The following DPP8 variants were observed in gnomAD, a reference collection of about 807,000 sequenced individuals.
DPP8 encodes DPP VIII.
Under a neutral mutation model 107.5 loss-of-function variants are expected in DPP8, and 31 were observed. The ratio of observed to expected loss-of-function variants is 0.29; its 90% CI spans 0.22 to 0.39. DPP8 has a LOEUF of 0.39. DPP8 is among the 10% of genes least tolerant of loss of function. DPP8 has a pLI of 1.00. For synonymous variants in DPP8, 381 were observed against 356.6 expected, an observed-to-expected ratio of 1.07 and a Z score of -0.77; for missense variants, 842 against 1,076.1, an observed-to-expected ratio of 0.78 and a Z score of 3.04.
In DPP8 at chr15:65,442,491, C is replaced by A. The variant is rs192029080; in HGVS notation, c.*4393G>T. 1 of 152,196 alleles carries A rather than the reference C, an allele frequency of 6.6e-6. No homozygotes were observed. The highest frequency in any genetic ancestry group is 2.4e-5 in the African/African-American group (1 of 41,530). 9.4% of individuals were successfully genotyped at this position (152,196 alleles called of 1,614,324 possible). A position where few individuals can be genotyped will look rare whatever the true frequency, so the allele number is the denominator to read the frequency against. ...ATTAATTTCAGCAGCATCTTTATTG[C>A]AACAAAGAACCTGTAATAAAATGCA... On this transcript the variant is annotated 3_prime_UTR_variant, in exon 20 of 20. Transcript: ENST00000300141.
chr15:65,479,995 G>C (rs1025142861), intron 10 of DPP8, among the ~76,000 whole-genome samples: 6 of 151,840 alleles, frequency 4.0e-5, no homozygotes, highest in African/African-American at 7.3e-5. Flanking sequence ...ATTATCTCCA[G>C]GAACAAATCT....
intron 1 of DPP8, chr15:65,516,550 T>G (rs2071461120): frequency 6.6e-6 from 1 of 152,176 alleles, no homozygotes; most frequent in Non-Finnish European, 1.5e-5. Context: ...AAGTGGCAAG[T>G]GCAGGAAAAA....
intron 11 of DPP8, among the ~76,000 whole-genome samples, chr15:65,478,164 T>C (rs1432608517): frequency 1.3e-5 from 2 of 152,200 alleles, no homozygotes; most frequent in Non-Finnish European, 2.9e-5. Context: ...CAAAGACCTA[T>C]AACTATAAAT....
Position 65,512,320 on chromosome 15 carries a change from A to G in DPP8, c.234T>C (p.Pro78=), listed in dbSNP as rs1379280038. 1 of 1,613,208 alleles carries G rather than the reference A, an allele frequency of 6.2e-7. No individual in the cohort carries two copies. Among genetic ancestry groups the G allele is most frequent in the Admixed American group, 1.7e-5 (1 of 59,988 alleles). The change falls in exon 2 of 20, where the codon CCT becomes CCC. Residue 78 remains proline (P), a synonymous_variant. Coordinates refer to ENST00000300141, the MANE Select transcript of DPP8 (RefSeq NM_130434.5). The part of the protein sequence containing the change: ...MFVKRNDPDG[P]HSDRIYYLAM... ...CAAGGTAATAGATTCTGTCTGAATG[A>G]GGTCCATCTGGATCATTCCTCTTCA...
At chr15:65,470,605 C>CAAAAAAAAAAAAAAAAAAAGAAAAAAA (rs3082806) in intron 12 of DPP8, among the ~76,000 whole-genome samples, 1 of 104,896 alleles carries the variant, frequency 9.5e-6, no homozygotes, top group African/African-American at 3.4e-5. Context: ...AGACTTGTCT[C>CAAAAAAAAAAAAAAAAAAAGAAAAAAA]AAAAAAAAAA....
chr15:65,493,760 T>G (rs1333592229), intron 5 of DPP8, among the ~76,000 whole-genome samples: 1 of 152,162 alleles, frequency 6.6e-6, no homozygotes, highest in African/African-American at 2.4e-5. Context: ...AGTAAGTCAT[T>G]TGAGAGCAGA....
rs375291140 is a variant in DPP8 at position 65,507,240 on chromosome 15, T to C, written c.372+3A>G. On this transcript the variant is annotated splice_donor_region_variant and intron_variant, in intron 3 of 19. Coordinates refer to ENST00000300141, the MANE Select transcript of DPP8 (RefSeq NM_130434.5). ...TCATAGGAATAACAACATTTAATCCTACCTGAAAAAGATCCAAAAGAGGCT... is the reference window on the plus strand; with the variant it reads ...TCATAGGAATAACAACATTTAATCCCACCTGAAAAAGATCCAAAAGAGGCT... 3.6e-5 allele frequency: 56 copies of C among 1,550,456 alleles called. No individual in the cohort carries two copies. Among genetic ancestry groups the C allele is most frequent in the Non-Finnish European group, 4.7e-5 (53 of 1,127,642 alleles).
At chr15:65,494,478 C>T (rs536466512) in intron 5 of DPP8, among the ~76,000 whole-genome samples, 1 of 151,698 alleles carries the variant, frequency 6.6e-6, no homozygotes, top group East Asian at 1.9e-4. Context: ...CCACCTTGGC[C>T]TCCCAAAGTG....
intron 3 of DPP8, among the ~76,000 whole-genome samples, chr15:65,505,222 G>T (rs2069809614): frequency 6.6e-6 from 1 of 151,678 alleles, no homozygotes; most frequent in Admixed American, 6.6e-5. Flanking sequence ...GGGCATGGTG[G>T]TGGGAGCCTG....
chr15:65,481,372 A>T (rs1241374596), intron 9 of DPP8, 143 bp downstream of exon 9: 1 of 618,620 alleles, frequency 1.6e-6, no homozygotes, highest in African/African-American at 2.0e-5. Context: ...TTAATTCAAG[A>T]AAAATGCCTT....
chr15:65,477,015 G>A (rs2066450603), intron 11 of DPP8, among the ~76,000 whole-genome samples: 1 of 152,190 alleles, frequency 6.6e-6, no homozygotes, highest in South Asian at 2.1e-4. Context: ...CAAAGTGGCT[G>A]CCAGAGATTG....
chr15:65,474,916 T>G (rs1191623024), intron 11 of DPP8, among the ~76,000 whole-genome samples: 1 of 152,246 alleles, frequency 6.6e-6, no homozygotes, highest in Non-Finnish European at 1.5e-5. Context: ...AAAAGAGATT[T>G]TTTGGCAAAG....
At chr15:65,471,741 G>T (rs1420009363) in intron 12 of DPP8, among the ~76,000 whole-genome samples, 1 of 152,106 alleles carries the variant, frequency 6.6e-6, no homozygotes, top group African/African-American at 2.4e-5. Flanking sequence ...CTCGACACTG[G>T]CCTCCCAAAG....
At chr15:65,454,136 CAAAAAAAAAA>C in intron 17 of DPP8, 117 bp downstream of exon 17, 1 of 347,084 alleles carries the variant, frequency 2.9e-6, no homozygotes, top group Non-Finnish European at 4.1e-6. Context: ...GACTTCGTCT[CAAAAAAAAAA>C]AAAAAAAAAA....
chr15:65,489,816 C>T (rs1164654056), intron 6 of DPP8, among the ~76,000 whole-genome samples: 1 of 152,158 alleles, frequency 6.6e-6, no homozygotes, highest in Non-Finnish European at 1.5e-5. Context: ...CTCCTGGGTT[C>T]AGGCGATTCT....
At chr15:65,460,677 G>A (rs1352238295) in intron 15 of DPP8, among the ~76,000 whole-genome samples, 2 of 152,196 alleles carry the variant, frequency 1.3e-5, no homozygotes, top group Non-Finnish European at 2.9e-5. Context: ...TTTTAAGGCT[G>A]AATAAAATAA....
rs147971218 is a variant in DPP8, at chr15:65,458,991, A to G, written c.1972-2620T>C. On this transcript the variant is annotated intron_variant, in intron 15 of 19. Coordinates refer to ENST00000300141, the MANE Select transcript of DPP8 (RefSeq NM_130434.5). ...CTATATCATGTGAAATCTCATGGGA[A>G]AATCTCCCTGCAAACTGAACACCAG... 2.0e-5 allele frequency: 3 copies of G among 151,926 alleles called. No homozygotes were observed. In the East Asian group the frequency reaches 5.8e-4, roughly 29 times the overall value. 9.4% of individuals were successfully genotyped at this position (151,926 alleles called of 1,614,324 possible). A position where few individuals can be genotyped will look rare whatever the true frequency, so the allele number is the denominator to read the frequency against.
chr15:65,480,101 A>G, intron 10 of DPP8, 121 bp downstream of exon 10: 1 of 789,134 alleles, frequency 1.3e-6, no homozygotes, highest in Non-Finnish European at 2.0e-6. Flanking sequence ...TGCTCATACT[A>G]AAGAAATAAC....
At chr15:65,504,082 G>A (rs933184701) in intron 3 of DPP8, among the ~76,000 whole-genome samples, 2 of 152,074 alleles carry the variant, frequency 1.3e-5, no homozygotes, top group African/African-American at 4.8e-5. Flanking sequence ...AAAATTGCGG[G>A]CCGGGTGCAG....
Sources: gnomAD v4.1 joint callset for allele counts (sites outside exome capture counted in the v4.1 genomes callset) on GRCh38, gnomAD v4.1.1 for gene constraint, MANE v1.5 for transcripts, NCBI Gene and HGNC (gene_info 2026-07-23, HGNC 2026-07-21) for gene names.